The following STK32A variants were observed in gnomAD, a reference collection of about 807,000 sequenced individuals.
The protein encoded by STK32A is serine/threonine kinase 32A.
In STK32A, 41 loss-of-function variants were observed where a neutral mutation model predicts 53.2. The observed-to-expected ratio is 0.77, with a 90% confidence interval of 0.60 to 1.00. The LOEUF (loss-of-function observed/expected upper bound fraction) is 1.00. STK32A is among the 50% of genes least tolerant of loss of function. STK32A has a pLI of 0.00. For synonymous variants in STK32A, 166 were observed against 162.8 expected (o/e 1.02, Z -0.15); for missense variants, 458 against 485.8 (o/e 0.94, Z 0.54).
intron 12 of STK32A, among the ~76,000 whole-genome samples, 152 bp from the exon 13 acceptor site, chr5:147,383,738 G>C (rs532424471): frequency 1.6e-4 from 25 of 152,194 alleles, no homozygotes; most frequent in African/African-American, 5.8e-4. Flanking sequence ...GAGGAATTAG[G>C]ATTTAAACAC....
At chr5:147,276,949 C>T (rs1025327689) in intron 2 of STK32A, among the ~76,000 whole-genome samples, 7 of 152,162 alleles carry the variant, frequency 4.6e-5, no homozygotes, top group African/African-American at 1.7e-4. Context: ...TACATGCTGC[C>T]TCACATGACT....
intron 5 of STK32A, among the ~76,000 whole-genome samples, chr5:147,336,695 C>G (rs530280501): frequency 6.6e-6 from 1 of 152,154 alleles, no homozygotes; most frequent in Non-Finnish European, 1.5e-5. Flanking sequence ...CCCTGACAGC[C>G]TTTCACTTCT....
chr5:147,399,157 A>G, the STK32A span: 6 of 1,614,138 alleles, frequency 3.7e-6, no homozygotes, highest in Non-Finnish European at 5.1e-6. Flanking sequence ...CAGAACCCAC[A>G]GATATTCTTC....
At chr5:147,399,364 C>T in the STK32A span, 1 of 1,276,022 alleles carries the variant, frequency 7.8e-7, no homozygotes, top group Non-Finnish European at 1.0e-6. Flanking sequence ...CAAAAAGGAG[C>T]CACCTGAAAA....
intron 7 of STK32A, among the ~76,000 whole-genome samples, chr5:147,357,185 G>A (rs1756286342): frequency 6.6e-6 from 1 of 151,956 alleles, no homozygotes; most frequent in South Asian, 2.1e-4. Context: ...AGAATTTCTG[G>A]TCAAAGCCTT....
At chr5:147,399,114 C>T in the STK32A span, 10 of 1,614,104 alleles carry the variant, frequency 6.2e-6, no homozygotes, top group African/African-American at 1.3e-4. Context: ...ACGATCTTCA[C>T]AGCATCTGGA....
chr5:147,260,744 T>C (rs1754525368), intron 2 of STK32A, among the ~76,000 whole-genome samples: 1 of 152,068 alleles, frequency 6.6e-6, no homozygotes, highest in Non-Finnish European at 1.5e-5. Flanking sequence ...AGGCCCCTCT[T>C]AGTGTTGGCA....
chr5:147,317,844 G>T (rs1416758635), intron 4 of STK32A, among the ~76,000 whole-genome samples: 1 of 152,052 alleles, frequency 6.6e-6, no homozygotes, highest in Non-Finnish European at 1.5e-5. Context: ...AGGATCTCAG[G>T]ACAACTACTA....
chr5:147,249,163 A>AT (rs11444597), intron 2 of STK32A, among the ~76,000 whole-genome samples: 35,213 of 152,022 alleles, frequency 0.23, 4,594 homozygotes, highest in Admixed American at 0.32. Context: ...AGATTATGTC[A>AT]TTTTTTGTAT....
chr5:147,332,654 A>G (rs905032382), intron 5 of STK32A, among the ~76,000 whole-genome samples: 1 of 152,166 alleles, frequency 6.6e-6, no homozygotes, highest in Non-Finnish European at 1.5e-5. Flanking sequence ...TCTTTTCAGT[A>G]GACCACAAGC....
chr5:147,351,280 C>G lies in STK32A; in HGVS notation c.562+126C>G. The G allele has an allele frequency of 4.0e-6, 3 of 754,074 alleles. No homozygotes were observed. In the South Asian group the frequency reaches 5.5e-5, roughly 14 times the overall value. 46.7% of individuals were successfully genotyped at this position (754,074 alleles called of 1,614,324 possible). A position where few individuals can be genotyped will look rare whatever the true frequency, so the allele number is the denominator to read the frequency against. On this transcript the variant is annotated intron_variant, in intron 7 of 12. Coordinates refer to ENST00000397936, the MANE Select transcript of STK32A (RefSeq NM_001112724.2). ...CTCTCTGACTTTACCTGTGGAGCTTCTGATTTCATGGGTCTTCTCCACTAG... is the reference window on the plus strand; with the variant it reads ...CTCTCTGACTTTACCTGTGGAGCTTGTGATTTCATGGGTCTTCTCCACTAG...
At position 147,375,133 on chromosome 5, in the gene STK32A, T is replaced by C; in HGVS notation, c.947T>C (p.Met316Thr). 3 of 1,608,980 alleles carry C rather than the reference T, an allele frequency of 1.9e-6. No individual in the cohort carries two copies. The highest frequency in any genetic ancestry group is 2.5e-6 in the Non-Finnish European group (3 of 1,178,094). Residue 316 changes from methionine to threonine, a missense_variant, in exon 11 of 13, where the codon ATG (methionine) becomes ACG (threonine). Met to Thr is a moderately conservative substitution (Grantham distance 81, BLOSUM62 -1). Coordinates refer to ENST00000397936, the MANE Select transcript of STK32A (RefSeq NM_001112724.2). ...GATCCTACCTTTGAACTTGAGGAAA[T>C]GATTTTGGAGTCCAAACCTCTACAT... ...NCDPTFELEEMILESKPLHKK... is the reference protein window; with the variant it reads ...NCDPTFELEETILESKPLHKK...
At chr5:147,316,193 A>G (rs1723616680) in intron 4 of STK32A, among the ~76,000 whole-genome samples, 1 of 152,206 alleles carries the variant, frequency 6.6e-6, no homozygotes, top group Non-Finnish European at 1.5e-5. Flanking sequence ...ATCATTGAGA[A>G]CCAAGATTTT....
intron 9 of STK32A, 116 bp downstream of exon 9, chr5:147,370,886 A>C (rs1756979971): frequency 1.7e-6 from 1 of 588,478 alleles, no homozygotes; most frequent in South Asian, 2.8e-5. Flanking sequence ...ACATTTGTAG[A>C]GTGTATTTTC....
At chr5:147,277,181 A>G (rs1484220755) in intron 2 of STK32A, among the ~76,000 whole-genome samples, 6 of 152,174 alleles carry the variant, frequency 3.9e-5, no homozygotes, top group African/African-American at 1.4e-4. Context: ...GTTTCACAAT[A>G]TTTTCTGAAT....
At chr5:147,392,843 A>C (rs1184481287), downstream of STK32A, 1 of 152,268 alleles carries the variant, frequency 6.6e-6, no homozygotes, top group Non-Finnish European at 1.5e-5. Flanking sequence ...CCAGGTCCAC[A>C]AAATGTGCTC....
intron 4 of STK32A, among the ~76,000 whole-genome samples, chr5:147,301,776 G>A (rs1313061864): frequency 1.3e-5 from 2 of 152,158 alleles, no homozygotes; most frequent in African/African-American, 4.8e-5. Flanking sequence ...TCCAAAATCA[G>A]TCTCCCTAGG....
downstream of STK32A, among the ~76,000 whole-genome samples, chr5:147,388,634 G>T (rs190940625): frequency 4.6e-4 from 70 of 152,198 alleles, no homozygotes; most frequent in African/African-American, 1.6e-3. Flanking sequence ...GCTCATGGTC[G>T]GGGTCTCCTT....
At chr5:147,289,526 G>C (rs1430706613) in intron 4 of STK32A, among the ~76,000 whole-genome samples, 1 of 151,524 alleles carries the variant, frequency 6.6e-6, no homozygotes, top group East Asian at 1.9e-4. Flanking sequence ...TAAAAAGTTT[G>C]TGTGTGTGAA....
Sources: gnomAD v4.1 joint callset for allele counts (sites outside exome capture counted in the v4.1 genomes callset) on GRCh38, gnomAD v4.1.1 for gene constraint, MANE v1.5 for transcripts, NCBI Gene and HGNC (gene_info 2026-07-23, HGNC 2026-07-21) for gene names.